RARB: variants seen among roughly 807,000 people sequenced by gnomAD.
RARB encodes the protein HBV-activated protein.
Under a neutral mutation model 51.9 loss-of-function variants are expected in RARB, and 17 were observed. The ratio of observed to expected loss-of-function variants is 0.33; its 90% CI spans 0.22 to 0.49. The LOEUF (loss-of-function observed/expected upper bound fraction) is 0.49. Ranked by LOEUF, RARB falls within the 20% of genes least tolerant of loss-of-function variation. The pLI is 0.99. For synonymous variants in RARB, 215 were observed against 195.4 expected, an observed-to-expected ratio of 1.10 and a Z score of -0.84; for missense variants, 369 against 550.8, an observed-to-expected ratio of 0.67 and a Z score of 3.30.
chr3:25,388,434 A>G (rs1033474273), intron 5 of RARB, among the ~76,000 whole-genome samples: 3 of 152,356 alleles, frequency 2.0e-5, no homozygotes, highest in African/African-American at 4.8e-5. Flanking sequence ...ATATCAGAGC[A>G]TTACAATATA....
At chr3:25,463,457 G>A (rs113845344) in intron 2 of RARB, among the ~76,000 whole-genome samples, 6,511 of 152,114 alleles carry the variant, frequency 0.043, 281 homozygotes, top group Admixed American at 0.12. Context: ...GAAGTCAAGA[G>A]ATCGAGACCA....
rs550782092 is a variant in RARB at position 25,596,786 on chromosome 3, ACT to A, written c.*171_*172del. ...CAATATATATACTCCTCACTGTGTA[ACT>A]TACCTAGAAATACAAACTTTTCCAA... On this transcript the variant is annotated 3_prime_UTR_variant, in exon 8 of 8. Coordinates refer to ENST00000330688, the MANE Select transcript of RARB (RefSeq NM_000965.5). 377 of 469,530 alleles carry A rather than the reference ACT, an allele frequency of 8.0e-4. No homozygotes were observed. Among genetic ancestry groups the A allele is most frequent in the Non-Finnish European group, 1.2e-3 (349 of 280,974 alleles). 29.1% of individuals were successfully genotyped at this position (469,530 alleles called of 1,614,324 possible). A position where few individuals can be genotyped will look rare whatever the true frequency, so the allele number is the denominator to read the frequency against.
At chr3:24,857,755 A>T (rs1321426625) in intron 1 of RARB, among the ~76,000 whole-genome samples, 1 of 152,172 alleles carries the variant, frequency 6.6e-6, no homozygotes, top group Non-Finnish European at 1.5e-5. Context: ...GTCTCTACAA[A>T]AAAAACAAAA....
intron 4 of RARB, among the ~76,000 whole-genome samples, chr3:25,172,103 C>T (rs995688530): frequency 1.3e-5 from 2 of 152,144 alleles, no homozygotes; most frequent in Non-Finnish European, 2.9e-5. Flanking sequence ...CAGCGGAGTA[C>T]TAGGGGGCCT....
rs558416892 is a variant in RARB at position 25,308,416 on chromosome 3, G to T, written c.178+133841G>T. ...AATCACTCAGATATTAAAAATTATT[G>T]TCATTTTCTCCCTGACTGGTTTTCT... is the stretch of plus-strand genomic sequence containing the variant. On this transcript the variant is annotated intron_variant, in intron 5 of 11. Coordinates refer to the RARB transcript ENST00000383772. Among the ~76,000 whole-genome samples the T allele has an allele frequency of 2.9e-4, 42 of 147,228 alleles. No homozygotes were observed. In the South Asian group the frequency reaches 6.2e-3, roughly 22 times the overall value.
At chr3:25,020,862 G>C (rs1483887856) in intron 2 of RARB, among the ~76,000 whole-genome samples, 1 of 152,198 alleles carries the variant, frequency 6.6e-6, no homozygotes, top group Admixed American at 6.5e-5. Context: ...CCAGGTACTT[G>C]GGAGGCTGAG....
intron 5 of RARB, among the ~76,000 whole-genome samples, chr3:25,203,618 G>T (rs1444235295): frequency 1.3e-5 from 2 of 152,156 alleles, no homozygotes; most frequent in Non-Finnish European, 2.9e-5. Flanking sequence ...CTCTTGTAGG[G>T]CAGGCCTGGT....
intron 2 of RARB, among the ~76,000 whole-genome samples, chr3:25,485,807 G>C (rs987463896): frequency 6.6e-6 from 1 of 152,210 alleles, no homozygotes; most frequent in Non-Finnish European, 1.5e-5. Context: ...CAGAGGCAGA[G>C]CATTCCTGGC....
intron 3 of RARB, among the ~76,000 whole-genome samples, chr3:25,073,734 C>T (rs1420612009): frequency 6.6e-6 from 1 of 151,994 alleles, no homozygotes; most frequent in Non-Finnish European, 1.5e-5. Context: ...GAAAAAGAAA[C>T]AAATATCATG....
chr3:25,572,954 T>C (rs956496382), intron 4 of RARB, among the ~76,000 whole-genome samples: 2 of 152,116 alleles, frequency 1.3e-5, no homozygotes, highest in African/African-American at 2.4e-5. Flanking sequence ...TCCTGGAACA[T>C]GCGCCCTGGT....
intron 2 of RARB, among the ~76,000 whole-genome samples, chr3:24,877,112 A>C (rs893413925): frequency 2.6e-5 from 4 of 152,060 alleles, no homozygotes; most frequent in African/African-American, 9.7e-5. Flanking sequence ...ATTTAGTTTA[A>C]TGGTTAGATG....
chr3:24,990,137 T>C (rs1696880151), intron 2 of RARB, among the ~76,000 whole-genome samples: 1 of 92,988 alleles, frequency 1.1e-5, no homozygotes, highest in African/African-American at 4.2e-5. Context: ...TTTTTTTTTT[T>C]GTTATTTCAC....
chr3:25,459,834 G>A (rs1459090601), intron 1 of RARB, among the ~76,000 whole-genome samples: 2 of 152,152 alleles, frequency 1.3e-5, no homozygotes, highest in Admixed American at 1.3e-4. Flanking sequence ...GCAATTTGGA[G>A]ACTAGAAGAT....
chr3:25,534,941 C>G (rs1465625293), intron 3 of RARB, among the ~76,000 whole-genome samples: 1 of 152,182 alleles, frequency 6.6e-6, no homozygotes, highest in Non-Finnish European at 1.5e-5. Context: ...AGACCATATT[C>G]TGTATGCTTG....
intron 5 of RARB, among the ~76,000 whole-genome samples, chr3:25,268,816 C>T (rs1253945872): frequency 6.6e-6 from 1 of 152,164 alleles, no homozygotes; most frequent in African/African-American, 2.4e-5. Flanking sequence ...TCTCCTCTTA[C>T]CTGCTTTTTC....
chr3:25,558,737 G>C (rs1415191719), intron 3 of RARB, among the ~76,000 whole-genome samples: 1 of 151,954 alleles, frequency 6.6e-6, no homozygotes, highest in Non-Finnish European at 1.5e-5. Context: ...ATTCCTGCCA[G>C]AAACTGGCTT....
chr3:25,353,197 C>T (rs952194204), intron 5 of RARB, among the ~76,000 whole-genome samples: 1 of 152,126 alleles, frequency 6.6e-6, no homozygotes, highest in South Asian at 2.1e-4. Context: ...CTCATCACCT[C>T]TTTCAATGGT....
At chr3:24,943,795 A>G (rs1281860605) in intron 2 of RARB, among the ~76,000 whole-genome samples, 2 of 152,218 alleles carry the variant, frequency 1.3e-5, no homozygotes, top group Admixed American at 1.3e-4. Flanking sequence ...AAAGATTAGA[A>G]TCTGCAGTCT....
intron 3 of RARB, among the ~76,000 whole-genome samples, chr3:25,505,939 A>T (rs939204061): frequency 1.3e-5 from 2 of 152,220 alleles, no homozygotes; most frequent in African/African-American, 4.8e-5. Flanking sequence ...ATAATAGCTA[A>T]TGGTCCATGA....
Sources: gnomAD v4.1 joint callset for allele counts (sites outside exome capture counted in the v4.1 genomes callset) on GRCh38, gnomAD v4.1.1 for gene constraint, MANE v1.5 for transcripts, NCBI Gene and HGNC (gene_info 2026-07-23, HGNC 2026-07-21) for gene names.